PALM2AKAP2: variants seen among roughly 807,000 people sequenced by gnomAD.
The protein encoded by PALM2AKAP2 is PALM2 and AKAP2 fusion.
A neutral mutation model predicts 71.5 loss-of-function variants in PALM2AKAP2; 37 were observed. The ratio of observed to expected loss-of-function variants is 0.52; its 90% CI spans 0.40 to 0.68. The LOEUF (loss-of-function observed/expected upper bound fraction) is 0.68. Ranked by LOEUF, PALM2AKAP2 falls within the 30% of genes least tolerant of loss-of-function variation. The pLI is 0.00. For synonymous variants in PALM2AKAP2, 468 were observed against 478.8 expected (o/e 0.98, Z 0.29); for missense variants, 1,224 against 1,191.8 (o/e 1.03, Z -0.40).
At chr9:109,747,015 A>C (rs1391081577) in intron 1 of PALM2AKAP2, among the ~76,000 whole-genome samples, 1 of 152,198 alleles carries the variant, frequency 6.6e-6, no homozygotes, top group Non-Finnish European at 1.5e-5. Flanking sequence ...TATGGGTAAG[A>C]GGGTTGGAGG....
chr9:109,920,468 C>G (rs1263446052), intron 3 of PALM2AKAP2, among the ~76,000 whole-genome samples: 1 of 150,828 alleles, frequency 6.6e-6, no homozygotes, highest in African/African-American at 2.4e-5. Flanking sequence ...CAGCCTCTGT[C>G]TCCTGGGTTC....
intron 1 of PALM2AKAP2, among the ~76,000 whole-genome samples, chr9:109,755,939 A>G (rs750995934): frequency 1.3e-5 from 2 of 152,170 alleles, no homozygotes; most frequent in Non-Finnish European, 2.9e-5. Context: ...GAGATGTACC[A>G]TGATAAGCAT....
chr9:109,675,503 T>C (rs1240760056), intron 1 of PALM2AKAP2, among the ~76,000 whole-genome samples: 1 of 152,164 alleles, frequency 6.6e-6, no homozygotes, highest in African/African-American at 2.4e-5. Flanking sequence ...CCTCCATACT[T>C]GTTTGGCCAT....
At chr9:109,986,413 G>T (rs1375319592) in intron 6 of PALM2AKAP2, among the ~76,000 whole-genome samples, 1 of 152,162 alleles carries the variant, frequency 6.6e-6, no homozygotes, top group Non-Finnish European at 1.5e-5. Flanking sequence ...AAAATAAAGG[G>T]CTATAAGCAC....
intron 6 of PALM2AKAP2, among the ~76,000 whole-genome samples, chr9:110,015,376 A>T (rs1832960599): frequency 6.6e-6 from 1 of 152,202 alleles, no homozygotes; most frequent in Non-Finnish European, 1.5e-5. Context: ...AGGTGGGTGG[A>T]TCACCGGAGG....
intron 1 of PALM2AKAP2, among the ~76,000 whole-genome samples, chr9:109,706,519 T>C (rs542011935): frequency 6.6e-5 from 10 of 152,240 alleles, no homozygotes; most frequent in African/African-American, 1.9e-4. Context: ...ATGCTAAACA[T>C]AGAGTTACAA....
At chr9:109,904,443 C>T (rs1167314580) in intron 3 of PALM2AKAP2, among the ~76,000 whole-genome samples, 1 of 152,152 alleles carries the variant, frequency 6.6e-6, no homozygotes, top group Non-Finnish European at 1.5e-5. Flanking sequence ...GCTCAGGAGG[C>T]TTGTGATCAT....
chr9:109,905,443 A>T (rs1830426017), intron 3 of PALM2AKAP2, among the ~76,000 whole-genome samples: 1 of 152,210 alleles, frequency 6.6e-6, no homozygotes, highest in Non-Finnish European at 1.5e-5. Flanking sequence ...GTAAGGCAAA[A>T]TGTCTCTATT....
At chr9:110,145,377 G>T (rs1348526958) in intron 2 of PALM2AKAP2, among the ~76,000 whole-genome samples, 1 of 152,130 alleles carries the variant, frequency 6.6e-6, no homozygotes, top group Non-Finnish European at 1.5e-5. Flanking sequence ...AGTTCTTTTT[G>T]AAAGTTATTT....
In PALM2AKAP2 at chr9:109,985,425, C is replaced by T. The variant is rs547509581; in HGVS notation, c.497-30529C>T. ...GCGAGGTCAGGAGATGGAGACCATC[C>T]TGGCTAACACAGTGAAACCCCGTCT... On this transcript the variant is annotated intron_variant, in intron 6 of 9. Transcript: ENST00000302798. Among the ~76,000 whole-genome samples, 297 of 151,754 alleles carry T rather than the reference C, an allele frequency of 2.0e-3. 1 individual carries two copies. Among genetic ancestry groups the T allele is most frequent in the African/African-American group, 6.5e-3 (269 of 41,444 alleles).
At chr9:109,817,950 A>C (rs1203569605) in intron 1 of PALM2AKAP2, among the ~76,000 whole-genome samples, 2 of 152,196 alleles carry the variant, frequency 1.3e-5, no homozygotes, top group Non-Finnish European at 2.9e-5. Context: ...AGAAGTCGTT[A>C]AGTGGATCTC....
intron 3 of PALM2AKAP2, among the ~76,000 whole-genome samples, chr9:109,914,932 G>T (rs945614843): frequency 6.6e-6 from 1 of 152,178 alleles, no homozygotes; most frequent in Non-Finnish European, 1.5e-5. Flanking sequence ...TTGGTGCTGA[G>T]TTCACTGCAT....
intron 7 of PALM2AKAP2, among the ~76,000 whole-genome samples, chr9:110,037,122 C>T (rs1010061649): frequency 6.6e-6 from 1 of 151,854 alleles, no homozygotes; most frequent in African/African-American, 2.4e-5. Context: ...GTTTTTCTTA[C>T]CTCATTGTCC....
intron 1 of PALM2AKAP2, among the ~76,000 whole-genome samples, chr9:109,832,981 G>C (rs772493597): frequency 2.0e-5 from 3 of 152,156 alleles, no homozygotes; most frequent in East Asian, 1.9e-4. Flanking sequence ...CTCAAGACAG[G>C]GGCTCTCTTG....
At chr9:109,646,422 G>C (rs1402550293) in intron 1 of PALM2AKAP2, among the ~76,000 whole-genome samples, 1 of 152,194 alleles carries the variant, frequency 6.6e-6, no homozygotes, top group African/African-American at 2.4e-5. Context: ...GTAAGCCCTG[G>C]GGCTCTGACA....
At chr9:109,980,369 A>G (rs1415558698) in intron 6 of PALM2AKAP2, among the ~76,000 whole-genome samples, 13 of 152,102 alleles carry the variant, frequency 8.5e-5, no homozygotes, top group Admixed American at 8.5e-4. Context: ...ATTCTTTTGC[A>G]AGGAGGGTTT....
chr9:110,050,944 G>A (rs1222301269), intron 1 of PALM2AKAP2, among the ~76,000 whole-genome samples: 1 of 152,180 alleles, frequency 6.6e-6, no homozygotes, highest in African/African-American at 2.4e-5. Flanking sequence ...TTTCCTTAAA[G>A]GGCATCTTCT....
At chr9:109,995,670 A>G (rs1564250687) in intron 6 of PALM2AKAP2, among the ~76,000 whole-genome samples, 1 of 152,194 alleles carries the variant, frequency 6.6e-6, no homozygotes, top group Non-Finnish European at 1.5e-5. Flanking sequence ...TGCAAACAGC[A>G]TGAGGAAGAC....
In PALM2AKAP2 at chr9:109,702,429, C is replaced by T. The variant is rs188144767; in HGVS notation, c.5+61563C>T. ...ATGCTGCCATAAAAAAGGATGAGTT[C>T]GTGTCCTTTGTAGGGACATGGATGA... On this transcript the variant is annotated intron_variant, in intron 1 of 6. Transcript: ENST00000374531. Among the ~76,000 whole-genome samples, 207 of 152,246 alleles carry T rather than the reference C, an allele frequency of 1.4e-3. 1 individual carries two copies. Among genetic ancestry groups the T allele is most frequent in the African/African-American group, 4.7e-3 (195 of 41,530 alleles).
Sources: allele counts gnomAD v4.1 joint callset (sites outside exome capture counted in the v4.1 genomes callset), GRCh38; gene constraint gnomAD v4.1.1; transcripts MANE v1.5; gene names NCBI Gene and HGNC (gene_info 2026-07-23, HGNC 2026-07-21).